SYT16: variants seen among roughly 807,000 people sequenced by gnomAD.
The protein encoded by SYT16 is synaptotagmin-16.
SYT16 carries 42 observed loss-of-function variants against 61.4 expected under a neutral mutation model. The observed-to-expected ratio is 0.68, with a 90% CI of 0.53 to 0.89. SYT16 has a LOEUF of 0.89. SYT16 is among the 40% of genes least tolerant of loss of function. The pLI, the probability that SYT16 is intolerant of heterozygous loss-of-function variation, is 0.00. For missense variants in SYT16, 804 were observed against 807.3 expected (o/e 1.00, Z 0.05); for synonymous variants, 314 against 302.3 (o/e 1.04, Z -0.40).
intron 5 of SYT16, among the ~76,000 whole-genome samples, chr14:62,075,670 C>G (rs2056471792): frequency 7.2e-6 from 1 of 139,696 alleles, no homozygotes; most frequent in Non-Finnish European, 1.6e-5. Flanking sequence ...CCAGGAACAG[C>G]CAGGCTTTTC....
intron 3 of SYT16, among the ~76,000 whole-genome samples, chr14:62,065,047 G>A (rs1025180369): frequency 1.4e-4 from 21 of 151,216 alleles, no homozygotes; most frequent in African/African-American, 5.1e-4. Context: ...GGAACAATAA[G>A]CCTGTATGCA....
At chr14:61,968,495 C>G (rs2051410767) in intron 1 of SYT16, among the ~76,000 whole-genome samples, 1 of 151,910 alleles carries the variant, frequency 6.6e-6, no homozygotes, top group Non-Finnish European at 1.5e-5. Context: ...AGGATGGGAT[C>G]CAGACCTCAG....
At chr14:61,977,845 G>A (rs1473563070) in intron 2 of SYT16, among the ~76,000 whole-genome samples, 3 of 152,116 alleles carry the variant, frequency 2.0e-5, no homozygotes, top group African/African-American at 2.4e-5. Flanking sequence ...CTACAAATTT[G>A]TTGTCTTAAA....
At chr14:62,047,113 T>C (rs953373156) in intron 3 of SYT16, among the ~76,000 whole-genome samples, 1 of 152,160 alleles carries the variant, frequency 6.6e-6, no homozygotes, top group African/African-American at 2.4e-5. Flanking sequence ...CCTCTTTCAT[T>C]GTATTGTATC....
intron 1 of SYT16, among the ~76,000 whole-genome samples, chr14:61,889,462 A>G (rs1011672923): frequency 1.3e-5 from 2 of 152,070 alleles, no homozygotes; most frequent in Non-Finnish European, 2.9e-5. Context: ...GGGTCAAGGG[A>G]ATGGATCCCT....
intron 1 of SYT16, among the ~76,000 whole-genome samples, chr14:61,910,522 G>A (rs949719369): frequency 2.7e-4 from 26 of 97,900 alleles, no homozygotes; most frequent in African/African-American, 7.8e-4. Flanking sequence ...GCCGCATCCC[G>A]CTGTTTTGTT....
At chr14:61,881,054 T>C (rs927715825) in intron 1 of SYT16, among the ~76,000 whole-genome samples, 6 of 152,162 alleles carry the variant, frequency 3.9e-5, no homozygotes, top group African/African-American at 7.2e-5. Context: ...TTTGCATCCA[T>C]GAAGCCCCCC....
Position 62,078,155 on chromosome 14 carries a change from C to CTATA in SYT16, c.994-2666_994-2663dup, listed in dbSNP as rs374965535. Among the ~76,000 whole-genome samples the CTATA allele has an allele frequency of 1.2e-3, 165 of 135,976 alleles. 1 individual carries two copies. The highest frequency in any genetic ancestry group is 5.9e-3 in the South Asian group (24 of 4,068). The allele number at this position is 135,976 out of a possible 152,430, so 89.2% of individuals were successfully genotyped here. ...GCTCTCTCGCTCTCTCTCTCTCTCT[C>CTATA]TATATATATATATATAAACACACAC... On this transcript the variant is annotated intron_variant, in intron 5 of 7. Coordinates refer to ENST00000683842, the MANE Select transcript of SYT16 (RefSeq NM_001367656.1).
intron 7 of SYT16, among the ~76,000 whole-genome samples, chr14:62,084,655 T>G (rs1296840538): frequency 6.6e-6 from 1 of 152,196 alleles, no homozygotes; most frequent in African/African-American, 2.4e-5. Flanking sequence ...TTCAGCAACA[T>G]AATGTGTATG....
chr14:61,989,382 G>A (rs939581462), intron 2 of SYT16, among the ~76,000 whole-genome samples: 1 of 152,084 alleles, frequency 6.6e-6, no homozygotes, highest in African/African-American at 2.4e-5. Flanking sequence ...GGCCAACATG[G>A]CGAAACCCCG....
rs767236648 is a variant in SYT16 at position 62,100,666 on chromosome 14, G to C, written c.1897G>C (p.Gly633Arg). The change falls in exon 8 of 8, where the codon GGC becomes CGC. Residue 633 changes from glycine (G) to arginine (R), a missense_variant. Physicochemically the swap from Gly to Arg is moderately radical, Grantham distance 125 (BLOSUM62 -2). Transcript: ENST00000683842. ...CTGGGAGGAGATGAAGGAAACCAAA[G>C]GCCAGCAGATCTGCAGATGGCACAC... The part of the protein sequence containing the change: ...DHWEEMKETK[G>R]QQICRWHTLL... 1.2e-6 allele frequency: 2 copies of C among 1,613,802 alleles called. No homozygotes were observed. The highest frequency in any genetic ancestry group is 1.7e-6 in the Non-Finnish European group (2 of 1,179,814).
At chr14:62,093,463 G>A (rs918476837) in intron 7 of SYT16, among the ~76,000 whole-genome samples, 1 of 151,954 alleles carries the variant, frequency 6.6e-6, no homozygotes, top group Non-Finnish European at 1.5e-5. Flanking sequence ...CTTTTTCCCA[G>A]TCCCTGCCTG....
rs2047506153 is a variant in SYT16, at chr14:61,876,641, A to G, written c.-325+63831A>G. Among the ~76,000 whole-genome samples the G allele has an allele frequency of 2.6e-5, 4 of 152,218 alleles. No individual in the cohort carries two copies. In the South Asian group the frequency reaches 8.3e-4, roughly 32 times the overall value. ...GGTAAAAATAGTGCCACTATTGGCT[A>G]TTTCAGGAAGACAGATGGCGTTCTA... is the stretch of plus-strand genomic sequence containing the variant. On this transcript the variant is annotated intron_variant, in intron 1 of 7. Coordinates refer to ENST00000683842, the MANE Select transcript of SYT16 (RefSeq NM_001367656.1).
chr14:61,891,244 A>G (rs113849331), intron 1 of SYT16, among the ~76,000 whole-genome samples: 1,382 of 136,292 alleles, frequency 0.01, 11 homozygotes, highest in East Asian at 0.03. Context: ...ACACACGCGC[A>G]CACACACACA....
chr14:62,099,200 G>A lies in SYT16; in HGVS notation c.1625-1194G>A, dbSNP rs148939209. On this transcript the variant is annotated intron_variant, in intron 7 of 7. Coordinates refer to ENST00000683842, the MANE Select transcript of SYT16 (RefSeq NM_001367656.1). ...TAGTGAGAGTGACATGGCCAGATTT[G>A]TATTTCACAGAGATTGCTCTGGCAG... Among the ~76,000 whole-genome samples the A allele has an allele frequency of 2.6e-3, 396 of 152,284 alleles. 3 individuals carry two copies. Among genetic ancestry groups the A allele is most frequent in the Middle Eastern group, 0.014 (4 of 294 alleles).
At chr14:61,865,962 G>C (rs571982587) in intron 1 of SYT16, among the ~76,000 whole-genome samples, 1 of 152,214 alleles carries the variant, frequency 6.6e-6, no homozygotes, top group South Asian at 2.1e-4. Context: ...TCAGTTTACT[G>C]TTTACTTAAG....
intron 1 of SYT16, among the ~76,000 whole-genome samples, chr14:61,892,176 C>T (rs1039945135): frequency 6.6e-6 from 1 of 152,078 alleles, no homozygotes; most frequent in African/African-American, 2.4e-5. Context: ...TCCCTTCTCT[C>T]TCGCTTCTTC....
intron 1 of SYT16, among the ~76,000 whole-genome samples, chr14:61,896,844 C>T (rs2048341813): frequency 6.6e-6 from 1 of 152,192 alleles, no homozygotes; most frequent in Admixed American, 6.5e-5. Context: ...GCCCCCTCCT[C>T]CCATATCAAA....
At position 62,101,426 on chromosome 14, in the gene SYT16, G is replaced by T. The variant is rs1338085201; in HGVS notation, c.*719G>T. On this transcript the variant is annotated 3_prime_UTR_variant, in exon 8 of 8. Coordinates refer to ENST00000683842, the MANE Select transcript of SYT16 (RefSeq NM_001367656.1). Reference sequence around the variant, plus strand: ...TTTGAATATGTAAGATTTCAAACTTGTGACTTTCAAGGTTTTTATGCTGTC... The same window carrying T: ...TTTGAATATGTAAGATTTCAAACTTTTGACTTTCAAGGTTTTTATGCTGTC... 6.6e-6 allele frequency: 1 copy of T among 152,116 alleles called. No individual in the cohort carries two copies. The highest frequency in any genetic ancestry group is 1.5e-5 in the Non-Finnish European group (1 of 68,020). 9.4% of individuals were successfully genotyped at this position (152,116 alleles called of 1,614,324 possible).
Sources: gnomAD v4.1 joint callset for allele counts (sites outside exome capture counted in the v4.1 genomes callset) on GRCh38, gnomAD v4.1.1 for gene constraint, MANE v1.5 for transcripts, NCBI Gene and HGNC (gene_info 2026-07-23, HGNC 2026-07-21) for gene names.